Variants in MAD1L1 observed in about 807,000 individuals in gnomAD.
MAD1L1 encodes the protein mitotic arrest deficient 1 like 1, also known as mitotic spindle assembly checkpoint protein MAD1.
A neutral mutation model predicts 96.9 loss-of-function variants in MAD1L1; 95 were observed. The ratio of observed to expected loss-of-function variants is 0.98; its 90% confidence interval spans 0.83 to 1.16. MAD1L1 has a LOEUF of 1.16. Ranked by LOEUF, MAD1L1 falls within the 50% of genes most tolerant of loss-of-function variation. The pLI, the probability that MAD1L1 is intolerant of heterozygous loss-of-function variation, is 0.00. For missense variants in MAD1L1, 1,007 were observed against 954.4 expected, an observed-to-expected ratio of 1.06 and a Z score of -0.73; for synonymous variants, 473 against 396.6, an observed-to-expected ratio of 1.19 and a Z score of -2.29.
chr7:2,065,516 G>T (rs1339552629), intron 12 of MAD1L1, among the ~76,000 whole-genome samples: 2 of 152,238 alleles, frequency 1.3e-5, no homozygotes, highest in Non-Finnish European at 2.9e-5. Context: ...TGGGAGAGGG[G>T]AATGTGTGTC....
chr7:2,072,350 A>G (rs1785172938), intron 11 of MAD1L1, among the ~76,000 whole-genome samples: 1 of 152,208 alleles, frequency 6.6e-6, no homozygotes, highest in African/African-American at 2.4e-5. Context: ...AGTCTTTCCT[A>G]TCCCATCAGC....
At chr7:2,225,042 G>A (rs1401269340) in intron 4 of MAD1L1, among the ~76,000 whole-genome samples, 5 of 152,190 alleles carry the variant, frequency 3.3e-5, no homozygotes, top group East Asian at 1.9e-4. Flanking sequence ...TGCCAGCACC[G>A]CAGCCTCAAT....
chr7:2,070,398 G>A (rs990459654), intron 11 of MAD1L1, among the ~76,000 whole-genome samples: 17 of 152,166 alleles, frequency 1.1e-4, no homozygotes, highest in Non-Finnish European at 2.2e-4. Context: ...GGACAGCCGG[G>A]CACACAGGTG....
chr7:2,095,648 C>T (rs1036661400), intron 11 of MAD1L1, among the ~76,000 whole-genome samples: 1 of 152,138 alleles, frequency 6.6e-6, no homozygotes. Flanking sequence ...CAGGGTGGGG[C>T]GAGGCAGCAC....
chr7:2,011,324 T>C (rs1363183440), intron 13 of MAD1L1, among the ~76,000 whole-genome samples: 1 of 152,196 alleles, frequency 6.6e-6, no homozygotes, highest in Non-Finnish European at 1.5e-5. Context: ...CCACACTTCA[T>C]GTGCAGCCGC....
At chr7:2,168,702 G>A (rs1026129779) in intron 10 of MAD1L1, among the ~76,000 whole-genome samples, 7 of 152,268 alleles carry the variant, frequency 4.6e-5, no homozygotes, top group East Asian at 3.8e-4. Flanking sequence ...GGCACAGGAC[G>A]ATACTCCCGC....
intron 18 of MAD1L1, among the ~76,000 whole-genome samples, chr7:1,823,404 G>A (rs1253219800): frequency 1.3e-5 from 2 of 152,126 alleles, no homozygotes; most frequent in African/African-American, 2.4e-5. Flanking sequence ...AATGGGCCTC[G>A]CCAAAATTTT....
chr7:1,934,480 C>T (rs1789664261), intron 17 of MAD1L1, among the ~76,000 whole-genome samples: 2 of 151,046 alleles, frequency 1.3e-5, no homozygotes, highest in Admixed American at 1.3e-4. Context: ...AACACACGAG[C>T]GAACCCTAGA....
At chr7:2,150,140 G>T (rs1789498621) in intron 10 of MAD1L1, among the ~76,000 whole-genome samples, 1 of 152,182 alleles carries the variant, frequency 6.6e-6, no homozygotes, top group Non-Finnish European at 1.5e-5. Flanking sequence ...TGAGCAACGG[G>T]GACCCCGACA....
chr7:1,950,036 C>A (rs1779415155), intron 16 of MAD1L1, among the ~76,000 whole-genome samples: 1 of 152,180 alleles, frequency 6.6e-6, no homozygotes, highest in South Asian at 2.1e-4. Context: ...AGCAGTGGGT[C>A]CCTGGGCACA....
chr7:1,979,402 G>A (rs1310321258), intron 15 of MAD1L1, among the ~76,000 whole-genome samples: 1 of 152,182 alleles, frequency 6.6e-6, no homozygotes, highest in Admixed American at 6.5e-5. Flanking sequence ...TGGGCCTCCT[G>A]CCACCCCACC....
chr7:1,895,417 T>C (rs1028300449), intron 18 of MAD1L1, among the ~76,000 whole-genome samples: 2 of 152,148 alleles, frequency 1.3e-5, no homozygotes, highest in Non-Finnish European at 2.9e-5. Flanking sequence ...GTCAGCCCCC[T>C]GCCTGGGTTG....
chr7:2,053,502 C>T (rs938689823), intron 12 of MAD1L1, among the ~76,000 whole-genome samples: 8 of 152,224 alleles, frequency 5.3e-5, no homozygotes, highest in South Asian at 2.1e-4. Flanking sequence ...AGCCGGACGC[C>T]GGGGATGATC....
At chr7:1,887,243 G>A (rs1786097670) in intron 18 of MAD1L1, among the ~76,000 whole-genome samples, 1 of 139,956 alleles carries the variant, frequency 7.1e-6, no homozygotes, top group Non-Finnish European at 1.5e-5. Context: ...GTATGTGGGG[G>A]TGGCTGTGCA....
In MAD1L1 at chr7:2,059,507, C is replaced by G. The variant is rs1351837365; in HGVS notation, c.1218+9687G>C. Among the ~76,000 whole-genome samples, 3 of 135,860 alleles carry G rather than the reference C, an allele frequency of 2.2e-5. No homozygotes were observed. In the East Asian group the frequency reaches 6.6e-4, roughly 30 times the overall value. The allele number at this position is 135,860 out of a possible 152,430, so 89.1% of individuals were successfully genotyped here. A position where few individuals can be genotyped will look rare whatever the true frequency, so the allele number is the denominator to read the frequency against. ...TTGTGGCCAGAGGAGAGGAAAGGTG[C>G]GGGGCTGGAAAGGGAGCATGGCCAG... On this transcript the variant is annotated intron_variant, in intron 12 of 18. Coordinates refer to ENST00000265854, the MANE Select transcript of MAD1L1 (RefSeq NM_001013836.2).
At chr7:2,048,616 G>C (rs1784036764) in intron 12 of MAD1L1, among the ~76,000 whole-genome samples, 1 of 152,254 alleles carries the variant, frequency 6.6e-6, no homozygotes, top group African/African-American at 2.4e-5. Context: ...GGGTCAGCCA[G>C]GAAGGGGCTG....
At chr7:1,891,055 G>A (rs765908012) in intron 18 of MAD1L1, among the ~76,000 whole-genome samples, 2 of 152,152 alleles carry the variant, frequency 1.3e-5, no homozygotes, top group African/African-American at 2.4e-5. Context: ...GCTGAGGTCC[G>A]GCAGGGGCAG....
intron 12 of MAD1L1, among the ~76,000 whole-genome samples, chr7:2,045,136 T>C (rs1783864235): frequency 6.6e-6 from 1 of 152,124 alleles, no homozygotes; most frequent in African/African-American, 2.4e-5. Context: ...AGAAAGGACA[T>C]GAAAGGCTCC....
At chr7:1,921,135 C>G (rs921308801) in intron 17 of MAD1L1, among the ~76,000 whole-genome samples, 2 of 152,196 alleles carry the variant, frequency 1.3e-5, no homozygotes, top group African/African-American at 4.8e-5. Context: ...GCAAAGGGAA[C>G]CCCGGCACGC....
Sources: allele counts gnomAD v4.1 joint callset (sites outside exome capture counted in the v4.1 genomes callset), GRCh38; gene constraint gnomAD v4.1.1; transcripts MANE v1.5; gene names NCBI Gene and HGNC (gene_info 2026-07-23, HGNC 2026-07-21).